Variants in PRKCI observed in about 807,000 individuals in gnomAD.
PRKCI encodes the protein protein kinase C iota, also known as protein kinase C iota type.
PRKCI carries 43 observed loss-of-function variants against 84.0 expected under a neutral mutation model. That is an observed-to-expected ratio of 0.51 (90% CI 0.40 to 0.66). The LOEUF (loss-of-function observed/expected upper bound fraction) is 0.66. Ranked by LOEUF, PRKCI falls within the 30% of genes least tolerant of loss-of-function variation. The probability of loss-of-function intolerance (pLI) is 0.00; values close to 1 mark genes in which losing one functional copy is unlikely to be tolerated. For missense variants in PRKCI, 459 were observed against 745.6 expected (o/e 0.62, Z 4.48); for synonymous variants, 216 against 234.4 (o/e 0.92, Z 0.72).
intron 16 of PRKCI, among the ~76,000 whole-genome samples, chr3:170,297,642 G>A (rs529078392): frequency 2.0e-5 from 3 of 148,300 alleles, no homozygotes; most frequent in African/African-American, 7.8e-5. Flanking sequence ...AGTAGAGATG[G>A]GGGGGGTTTC....
chr3:170,272,860 A>G (rs150025238), intron 6 of PRKCI, among the ~76,000 whole-genome samples: 4 of 152,302 alleles, frequency 2.6e-5, no homozygotes, highest in Admixed American at 2.6e-4. Flanking sequence ...CTTCAGGAAA[A>G]TGGGAAACCC....
At chr3:170,254,265 T>G (rs1733530318) in intron 2 of PRKCI, among the ~76,000 whole-genome samples, 1 of 152,168 alleles carries the variant, frequency 6.6e-6, no homozygotes, top group Non-Finnish European at 1.5e-5. Context: ...GTGGGTTGTC[T>G]CTTCATTTTT....
At chr3:170,279,855 C>CTT (rs1280408664) in intron 8 of PRKCI, among the ~76,000 whole-genome samples, 2 of 152,220 alleles carry the variant, frequency 1.3e-5, no homozygotes, top group African/African-American at 4.8e-5. Context: ...TAGCCACACA[C>CTT]TTGACGTTCC....
chr3:170,292,890 A>C (rs1427707261), intron 13 of PRKCI, among the ~76,000 whole-genome samples: 2 of 149,038 alleles, frequency 1.3e-5, no homozygotes, highest in Admixed American at 1.4e-4. Flanking sequence ...AAACACAAAA[A>C]ATTAGCCGGG....
chr3:170,295,726 T>C (rs200366599), intron 14 of PRKCI, among the ~76,000 whole-genome samples, 185 bp from the exon 15 acceptor site: 1 of 149,948 alleles, frequency 6.7e-6, no homozygotes, highest in East Asian at 1.9e-4. Context: ...GCGCCTGTGG[T>C]CCCAGCTACT....
At chr3:170,291,104 C>G (rs1734538869) in intron 12 of PRKCI, among the ~76,000 whole-genome samples, 1 of 150,206 alleles carries the variant, frequency 6.7e-6, no homozygotes, top group Non-Finnish European at 1.5e-5. Flanking sequence ...CCATTGCACT[C>G]CAGCCTGGGC....
intron 12 of PRKCI, chr3:170,291,638 A>T (rs1315168834): frequency 9.2e-6 from 4 of 432,602 alleles, no homozygotes; most frequent in Middle Eastern, 7.0e-4. Context: ...TGGAGGTTGT[A>T]GTGAGCTGAG....
intron 2 of PRKCI, 142 bp from the exon 3 acceptor site, chr3:170,259,827 T>C: frequency 2.4e-6 from 1 of 417,260 alleles, no homozygotes; most frequent in Non-Finnish European, 4.2e-6. Flanking sequence ...TAATAATAAG[T>C]AAATAAATAT....
At chr3:170,298,186 T>G (rs1734732413) in intron 16 of PRKCI, among the ~76,000 whole-genome samples, 1 of 152,062 alleles carries the variant, frequency 6.6e-6, no homozygotes, top group African/African-American at 2.4e-5. Context: ...AAATTGAATA[T>G]TAATGTAATA....
intron 14 of PRKCI, among the ~76,000 whole-genome samples, chr3:170,294,573 A>G (rs1164671603): frequency 6.6e-6 from 1 of 152,252 alleles, no homozygotes; most frequent in Non-Finnish European, 1.5e-5. Context: ...GACTGCTGGT[A>G]GGAATGAAAA....
chr3:170,238,220 G>C (rs2108838521), intron 2 of PRKCI, among the ~76,000 whole-genome samples: 1 of 152,258 alleles, frequency 6.6e-6, no homozygotes, highest in South Asian at 2.1e-4. Flanking sequence ...AAAATTACCT[G>C]AGCGTGGTGG....
At chr3:170,301,542 G>A (rs76328061) in intron 17 of PRKCI, among the ~76,000 whole-genome samples, 5 of 151,980 alleles carry the variant, frequency 3.3e-5, no homozygotes, top group Non-Finnish European at 5.9e-5. Context: ...TTCTGCTCAC[G>A]GTGTGTCCCT....
In PRKCI at chr3:170,293,359, T is replaced by C. The variant is rs953998217; in HGVS notation, c.1292-24T>C. ...TCAAGAATGCAAAGTGTATAATTTA[T>C]TGCTTTAAAATTTCTTTCTGAAGGT... is the stretch of plus-strand genomic sequence containing the variant. On this transcript the variant is annotated intron_variant, in intron 13 of 17. Coordinates refer to ENST00000295797, the MANE Select transcript of PRKCI (RefSeq NM_002740.6). 1.9e-6 allele frequency: 3 copies of C among 1,594,314 alleles called. No individual in the cohort carries two copies. In the African/African-American group the frequency reaches 4.1e-5, roughly 22 times the overall value.
chr3:170,263,923 T>C (rs1252717704), intron 4 of PRKCI, among the ~76,000 whole-genome samples: 1 of 152,266 alleles, frequency 6.6e-6, no homozygotes, highest in African/African-American at 2.4e-5. Context: ...CAGATAGTTC[T>C]TAGTTACAAC....
At chr3:170,245,234 AAT>A (rs1733243059) in intron 2 of PRKCI, among the ~76,000 whole-genome samples, 1 of 152,052 alleles carries the variant, frequency 6.6e-6, no homozygotes, top group Non-Finnish European at 1.5e-5. Context: ...AAGTCAGACT[AAT>A]TTGACTGATT....
chr3:170,229,132 G>A (rs1732718027), intron 1 of PRKCI, among the ~76,000 whole-genome samples: 4 of 151,724 alleles, frequency 2.6e-5, no homozygotes, highest in Non-Finnish European at 4.4e-5. Context: ...ATATCATATC[G>A]GTATATTTAT....
At chr3:170,264,657 CT>C (rs1733814129) in intron 4 of PRKCI, among the ~76,000 whole-genome samples, 2 of 152,274 alleles carry the variant, frequency 1.3e-5, no homozygotes, top group South Asian at 4.1e-4. Context: ...TTTATTAGAT[CT>C]CCAATTCCTA....
intron 12 of PRKCI, among the ~76,000 whole-genome samples, chr3:170,285,569 G>A (rs185253534): frequency 1.3e-5 from 2 of 152,240 alleles, no homozygotes; most frequent in African/African-American, 2.4e-5. Flanking sequence ...TGCCTCCAGA[G>A]CCTGGAGATT....
At chr3:170,291,973 T>C in intron 13 of PRKCI, 32 bp downstream of exon 13, 8 of 1,445,442 alleles carry the variant, frequency 5.5e-6, no homozygotes, top group Non-Finnish European at 7.8e-6. Flanking sequence ...TTATTTTAGC[T>C]ATTGCTAGAT....
Sources: allele counts gnomAD v4.1 joint callset (sites outside exome capture counted in the v4.1 genomes callset), GRCh38; gene constraint gnomAD v4.1.1; transcripts MANE v1.5; gene names NCBI Gene and HGNC (gene_info 2026-07-23, HGNC 2026-07-21).